The following ZFHX3 variants were observed in gnomAD, a reference collection of about 807,000 sequenced individuals.
ZFHX3 encodes the protein zinc finger homeobox 3.
ZFHX3 carries 42 observed loss-of-function variants against 279.1 expected under a neutral mutation model. That is an observed-to-expected ratio of 0.15 (90% CI 0.12 to 0.19). The LOEUF is 0.19. Among genes scored for constraint, ZFHX3 ranks in the 10% least tolerant of loss-of-function variants. The pLI is 1.00. For missense variants in ZFHX3, 4,981 were observed against 4,754.0 expected (o/e 1.05, Z -1.40); for synonymous variants, 2,293 against 1,957.8 (o/e 1.17, Z -4.52).
chr16:73,618,619 C>G (rs1475116769), intron 2 of ZFHX3, among the ~76,000 whole-genome samples: 1 of 152,196 alleles, frequency 6.6e-6, no homozygotes. Flanking sequence ...TTTCAAACCA[C>G]AGACAGATGG....
chr16:73,002,496 T>C (rs1192400268), intron 1 of ZFHX3, among the ~76,000 whole-genome samples: 1 of 152,168 alleles, frequency 6.6e-6, no homozygotes, highest in African/African-American at 2.4e-5. Context: ...AGGTGTGATC[T>C]AAGTTTGCTT....
intron 2 of ZFHX3, among the ~76,000 whole-genome samples, chr16:73,546,529 A>G (rs2143761366): frequency 6.6e-6 from 1 of 151,984 alleles, no homozygotes; most frequent in South Asian, 2.1e-4. Context: ...GAGGACAGCA[A>G]TCAGATGGGG....
chr16:72,949,058 C>T (rs1432363464), intron 3 of ZFHX3, among the ~76,000 whole-genome samples: 1 of 152,232 alleles, frequency 6.6e-6, no homozygotes, highest in Non-Finnish European at 1.5e-5. Flanking sequence ...CTCATTCCTG[C>T]TTTCTCCTCC....
intron 8 of ZFHX3, among the ~76,000 whole-genome samples, chr16:73,084,956 A>G (rs1251926897): frequency 6.6e-6 from 1 of 152,228 alleles, no homozygotes; most frequent in African/African-American, 2.4e-5. Context: ...ATTAATGTTA[A>G]AATGTCAAGA....
At chr16:73,286,109 C>A (rs1223093667) in intron 4 of ZFHX3, among the ~76,000 whole-genome samples, 2 of 152,056 alleles carry the variant, frequency 1.3e-5, no homozygotes, top group African/African-American at 4.8e-5. Context: ...TTAGACGGGG[C>A]CAACCAATTC....
At chr16:72,822,023 C>T (rs1019933964) in intron 5 of ZFHX3, 2 of 152,128 alleles carry the variant, frequency 1.3e-5, no homozygotes, top group African/African-American at 4.8e-5. Flanking sequence ...GCAAAGACAC[C>T]TTAAATTTGT....
chr16:72,875,984 T>C (rs890887213), intron 4 of ZFHX3, among the ~76,000 whole-genome samples: 1 of 152,196 alleles, frequency 6.6e-6, no homozygotes, highest in Non-Finnish European at 1.5e-5. Context: ...GAAATGAGCT[T>C]ATTTTTCTGT....
chr16:73,483,142 G>A (rs1184071283), intron 2 of ZFHX3, among the ~76,000 whole-genome samples: 2 of 152,186 alleles, frequency 1.3e-5, no homozygotes, highest in Non-Finnish European at 1.5e-5. Context: ...GGGTCTGGGG[G>A]CTGGCTGTGC....
At chr16:73,183,032 C>T (rs1484763071) in intron 5 of ZFHX3, among the ~76,000 whole-genome samples, 1 of 152,078 alleles carries the variant, frequency 6.6e-6, no homozygotes, top group Non-Finnish European at 1.5e-5. Context: ...TGGTGAAACC[C>T]CATCTCTACT....
At chr16:73,530,705 G>A (rs915847433) in intron 2 of ZFHX3, among the ~76,000 whole-genome samples, 4 of 152,122 alleles carry the variant, frequency 2.6e-5, no homozygotes, top group African/African-American at 9.7e-5. Context: ...ACCTTCTGAG[G>A]TGCTGTCTTT....
chr16:73,127,583 C>A (rs956114022), intron 7 of ZFHX3: 14 of 1,304,236 alleles, frequency 1.1e-5, no homozygotes, highest in Middle Eastern at 2.1e-4. Flanking sequence ...TTGAGGACAG[C>A]CACTGACCAC....
intron 4 of ZFHX3, among the ~76,000 whole-genome samples, chr16:73,257,952 T>C (rs1011093728): frequency 2.6e-5 from 4 of 152,212 alleles, no homozygotes; most frequent in African/African-American, 4.8e-5. Context: ...TGGGCTGTCC[T>C]GTGCACTGTA....
intron 2 of ZFHX3, among the ~76,000 whole-genome samples, chr16:73,597,609 C>T (rs1002819889): frequency 5.3e-5 from 8 of 152,062 alleles, no homozygotes; most frequent in Admixed American, 2.0e-4. Flanking sequence ...GAGAGCCTCA[C>T]GGGAAGATGG....
At chr16:73,278,113 G>A (rs1049834329) in intron 4 of ZFHX3, among the ~76,000 whole-genome samples, 4 of 152,110 alleles carry the variant, frequency 2.6e-5, no homozygotes, top group African/African-American at 9.7e-5. Context: ...AAATGTTTGT[G>A]TCCAAAAGGG....
chr16:73,741,804 A>C (rs895464531), intron 1 of ZFHX3, among the ~76,000 whole-genome samples: 1 of 152,220 alleles, frequency 6.6e-6, no homozygotes, highest in Non-Finnish European at 1.5e-5. Context: ...GAGGAAAGAA[A>C]GACAAACATA....
intron 4 of ZFHX3, among the ~76,000 whole-genome samples, chr16:72,874,281 G>A (rs1481148463): frequency 4.3e-5 from 6 of 138,880 alleles, no homozygotes; most frequent in Non-Finnish European, 9.0e-5. Context: ...ATCTCGGCTC[G>A]CTGCAAACTC....
chr16:73,637,541 G>T (rs2052538439), intron 2 of ZFHX3, among the ~76,000 whole-genome samples: 1 of 151,930 alleles, frequency 6.6e-6, no homozygotes, highest in South Asian at 2.1e-4. Flanking sequence ...ACTATTTTGT[G>T]TTTTAAAAAG....
At chr16:73,294,775 G>C (rs2014865632) in intron 4 of ZFHX3, among the ~76,000 whole-genome samples, 1 of 149,580 alleles carries the variant, frequency 6.7e-6, no homozygotes, top group Non-Finnish European at 1.5e-5. Flanking sequence ...CCGTACCACT[G>C]CACTCCGGCC....
intron 2 of ZFHX3, among the ~76,000 whole-genome samples, chr16:73,591,490 G>T (rs575896980): frequency 6.6e-6 from 1 of 151,308 alleles, no homozygotes; most frequent in Non-Finnish European, 1.5e-5. Flanking sequence ...TCAGGAGATC[G>T]ATATCATCGT....
Sources: allele counts gnomAD v4.1 joint callset (sites outside exome capture counted in the v4.1 genomes callset), GRCh38; gene constraint gnomAD v4.1.1; transcripts MANE v1.5; gene names NCBI Gene and HGNC (gene_info 2026-07-23, HGNC 2026-07-21).